RUNX2: variants seen among roughly 807,000 people sequenced by gnomAD.
The protein encoded by RUNX2 is RUNX family transcription factor 2.
A neutral mutation model predicts 51.7 loss-of-function variants in RUNX2; 10 were observed. The ratio of observed to expected loss-of-function variants is 0.19; its 90% confidence interval spans 0.12 to 0.33. The LOEUF (loss-of-function observed/expected upper bound fraction) is 0.33. Ranked by LOEUF, RUNX2 falls within the 10% of genes least tolerant of loss-of-function variation. The pLI, the probability that RUNX2 is intolerant of heterozygous loss-of-function variation, is 1.00. For synonymous variants in RUNX2, 276 were observed against 273.6 expected, an observed-to-expected ratio of 1.01 and a Z score of -0.09; for missense variants, 562 against 691.3, an observed-to-expected ratio of 0.81 and a Z score of 2.10.
rs1798731385 is a variant in RUNX2, at chr6:45,437,931, C to A, written c.581-16C>A. The A allele has an allele frequency of 6.4e-7, 1 of 1,565,806 alleles. No individual in the cohort carries two copies. Among genetic ancestry groups the A allele is most frequent in the African/African-American group, 1.4e-5 (1 of 73,992 alleles). On this transcript the variant is annotated splice_polypyrimidine_tract_variant and intron_variant, in intron 4 of 8. Coordinates refer to ENST00000647337, the MANE Select transcript of RUNX2 (RefSeq NM_001024630.4). ...TTTTAATATTCACTGTATATTTTCC[C>A]CTTTTATATCTGCAGGCAAGAGTTT...
intron 5 of RUNX2, among the ~76,000 whole-genome samples, chr6:45,480,627 A>G (rs1237453559): frequency 6.6e-6 from 1 of 152,192 alleles, no homozygotes; most frequent in Non-Finnish European, 1.5e-5. Flanking sequence ...GCACTGTATT[A>G]ATGTCTAGCA....
chr6:45,440,821 GT>G (rs1366326380), intron 5 of RUNX2, among the ~76,000 whole-genome samples: 1 of 152,106 alleles, frequency 6.6e-6, no homozygotes, highest in Non-Finnish European at 1.5e-5. Context: ...CAAAGTTTGT[GT>G]TATGTACTTA....
chr6:45,433,536 G>C (rs1455012640), intron 4 of RUNX2, among the ~76,000 whole-genome samples: 3 of 151,510 alleles, frequency 2.0e-5, no homozygotes, highest in African/African-American at 7.3e-5. Flanking sequence ...TTAAAGGATT[G>C]GGTGCCATGC....
intron 7 of RUNX2, among the ~76,000 whole-genome samples, chr6:45,533,635 A>G (rs1801932817): frequency 1.3e-5 from 2 of 152,220 alleles, no homozygotes; most frequent in South Asian, 4.1e-4. Context: ...CGGAAGTTAC[A>G]TAAGGAGCAT....
chr6:45,338,784 A>C (rs1789150894), intron 2 of RUNX2, among the ~76,000 whole-genome samples: 1 of 152,124 alleles, frequency 6.6e-6, no homozygotes, highest in African/African-American at 2.4e-5. Flanking sequence ...ATTTATATGC[A>C]GCCTATTTCT....
At position 45,437,938 on chromosome 6, in the gene RUNX2, T is replaced by C. The variant is rs374414428; in HGVS notation, c.581-9T>C. ...ATTCACTGTATATTTTCCCCTTTTA[T>C]ATCTGCAGGCAAGAGTTTCACCTTG... On this transcript the variant is annotated splice_polypyrimidine_tract_variant and intron_variant, in intron 4 of 8. Transcript: ENST00000647337. 1.2e-4 allele frequency: 186 copies of C among 1,595,122 alleles called. No individual in the cohort carries two copies. Among genetic ancestry groups the C allele is most frequent in the Non-Finnish European group, 1.5e-4 (178 of 1,163,020 alleles).
intron 2 of RUNX2, among the ~76,000 whole-genome samples, chr6:45,408,522 A>G (rs1032999165): frequency 5.9e-5 from 9 of 152,120 alleles, no homozygotes; most frequent in Non-Finnish European, 8.8e-5. Flanking sequence ...AAGCTATCCT[A>G]AAAGTCACTG....
intron 2 of RUNX2, among the ~76,000 whole-genome samples, chr6:45,367,797 C>T (rs1269403177): frequency 1.3e-5 from 2 of 152,138 alleles, no homozygotes; most frequent in Non-Finnish European, 2.9e-5. Context: ...AATCCAGTCA[C>T]CAAACCTAGT....
At chr6:45,459,090 C>T (rs1004739869) in intron 5 of RUNX2, among the ~76,000 whole-genome samples, 18 of 152,198 alleles carry the variant, frequency 1.2e-4, no homozygotes, top group African/African-American at 4.3e-4. Flanking sequence ...ATCCCATATT[C>T]TCTCTTTAGT....
At chr6:45,422,314 T>G in intron 2 of RUNX2, 16 of 336,058 alleles carry the variant, frequency 4.8e-5, no homozygotes, top group East Asian at 1.4e-4. Flanking sequence ...CCACCCCGGG[T>G]GTTCCAAAGA....
chr6:45,436,742 C>T (rs997133417), intron 4 of RUNX2, among the ~76,000 whole-genome samples: 10 of 152,210 alleles, frequency 6.6e-5, no homozygotes, highest in East Asian at 1.9e-4. Context: ...TTGTATATAA[C>T]CTGTTCCATA....
chr6:45,389,530 A>G (rs1446872265), intron 2 of RUNX2, among the ~76,000 whole-genome samples: 2 of 152,254 alleles, frequency 1.3e-5, no homozygotes, highest in Non-Finnish European at 2.9e-5. Flanking sequence ...CATATAGATG[A>G]CAGTGAGACA....
intron 5 of RUNX2, among the ~76,000 whole-genome samples, chr6:45,453,648 A>G (rs769863581): frequency 3.9e-5 from 6 of 152,236 alleles, no homozygotes; most frequent in Admixed American, 1.3e-4. Context: ...GATAATGCCT[A>G]AAGCACAATC....
chr6:45,548,740 C>CA lies in RUNX2; in HGVS notation c.*1437dup, dbSNP rs147020695. On this transcript the variant is annotated 3_prime_UTR_variant, in exon 9 of 9. Transcript: ENST00000647337. The stretch of plus-strand genomic sequence containing the variant: ...AAGCCGCACATGTGGATAGAGGGTT[C>CA]AATTATGAGACACCTAGTACAGGAG... 367 of 166,526 alleles carry CA rather than the reference C, an allele frequency of 2.2e-3. No individual in the cohort carries two copies. Among genetic ancestry groups the CA allele is most frequent in the African/African-American group, 8.2e-3 (345 of 42,226 alleles). The allele number at this position is 166,526 out of a possible 1,614,324, so 10.3% of individuals were successfully genotyped here.
At chr6:45,362,869 T>A (rs1464555795) in intron 2 of RUNX2, among the ~76,000 whole-genome samples, 2 of 152,104 alleles carry the variant, frequency 1.3e-5, no homozygotes, top group African/African-American at 4.8e-5. Flanking sequence ...CCAAGGTCCA[T>A]CAAATGCACT....
intron 2 of RUNX2, among the ~76,000 whole-genome samples, chr6:45,383,987 A>T (rs1321902052): frequency 6.6e-6 from 1 of 152,240 alleles, no homozygotes; most frequent in Non-Finnish European, 1.5e-5. Flanking sequence ...CTTTTTACAG[A>T]TGCAGCATAA....
intron 5 of RUNX2, among the ~76,000 whole-genome samples, chr6:45,485,940 A>G (rs981047570): frequency 6.6e-6 from 1 of 151,772 alleles, no homozygotes; most frequent in African/African-American, 2.4e-5. Context: ...TAAATTTTTT[A>G]TTATGAAAAA....
At chr6:45,504,769 C>T (rs1400406499) in intron 6 of RUNX2, among the ~76,000 whole-genome samples, 1 of 152,066 alleles carries the variant, frequency 6.6e-6, no homozygotes, top group Non-Finnish European at 1.5e-5. Context: ...GGATGATTGA[C>T]CCTGGTAGCA....
intron 2 of RUNX2, among the ~76,000 whole-genome samples, chr6:45,407,345 A>G (rs904988145): frequency 6.6e-6 from 1 of 152,094 alleles, no homozygotes; most frequent in Non-Finnish European, 1.5e-5. Flanking sequence ...CACTACTAGC[A>G]GCCTCAGATA....
Sources: gnomAD v4.1 joint callset for allele counts (sites outside exome capture counted in the v4.1 genomes callset) on GRCh38, gnomAD v4.1.1 for gene constraint, MANE v1.5 for transcripts, NCBI Gene and HGNC (gene_info 2026-07-23, HGNC 2026-07-21) for gene names.